The following ADGRB2 variants were observed in gnomAD, a reference collection of about 807,000 sequenced individuals.
ADGRB2 encodes adhesion G protein-coupled receptor B2.
In ADGRB2, 47 loss-of-function variants were observed where a neutral mutation model predicts 178.7. The ratio of observed to expected loss-of-function variants is 0.26; its 90% CI spans 0.21 to 0.34. ADGRB2 has a LOEUF of 0.34. ADGRB2 is among the 10% of genes least tolerant of loss of function. The pLI is 1.00. For missense variants in ADGRB2, 1,584 were observed against 2,180.8 expected (o/e 0.73, Z 5.45); for synonymous variants, 870 against 912.4 (o/e 0.95, Z 0.84).
intron 4 of ADGRB2, among the ~76,000 whole-genome samples, chr1:31,749,798 T>C (rs1375965393): frequency 1.3e-5 from 2 of 152,154 alleles, no homozygotes; most frequent in African/African-American, 4.8e-5. Context: ...GTGCCTGTAG[T>C]CCCAGCTACT....
Position 31,735,539 on chromosome 1 carries a change from C to G in ADGRB2, c.3353+41G>C, listed in dbSNP as rs1331329560. On this transcript the variant is annotated intron_variant, in intron 24 of 32. Coordinates refer to ENST00000373658, the MANE Select transcript of ADGRB2 (RefSeq NM_001364857.2). The surrounding 1 kb of genome is among the most constrained non-coding windows in gnomAD (Gnocchi z 6.0). ...GCACCCATGTCCCTCCCTCCCTGCA[C>G]CATTTCCAGAAAGGCCAAGTCTCAG... is the stretch of plus-strand genomic sequence containing the variant. The G allele has an allele frequency of 6.3e-7, 1 of 1,599,750 alleles. No homozygotes were observed. The highest frequency in any genetic ancestry group is 1.1e-5 in the South Asian group (1 of 90,574).
At chr1:31,747,425 A>C (rs1261646372) in intron 4 of ADGRB2, among the ~76,000 whole-genome samples, 1 of 152,078 alleles carries the variant, frequency 6.6e-6, no homozygotes, top group Admixed American at 6.6e-5. Flanking sequence ...CAGCATGTCC[A>C]AGAAGCCCAC....
rs374946660 is a variant in ADGRB2 at position 31,757,242 on chromosome 1, G to A, written c.-21C>T. 6.8e-5 allele frequency: 109 copies of A among 1,614,086 alleles called. No individual in the cohort carries two copies. Among genetic ancestry groups the A allele is most frequent in the Non-Finnish European group, 8.6e-5 (101 of 1,179,974 alleles). On this transcript the variant is annotated 5_prime_UTR_variant, in exon 3 of 33. It adds an upstream start codon to the 5' untranslated region. Coordinates refer to ENST00000373658, the MANE Select transcript of ADGRB2 (RefSeq NM_001364857.2). ...TCCATAACTCTTGCTCTCCATCCCCGTGTGTCGTGATCAGCTGTGAGGCAT... is the reference window on the plus strand; with the variant it reads ...TCCATAACTCTTGCTCTCCATCCCCATGTGTCGTGATCAGCTGTGAGGCAT...
In ADGRB2 at chr1:31,730,824, A is replaced by G; in HGVS notation, c.4356T>C (p.Ser1452=). 1 of 1,507,096 alleles carries G rather than the reference A, an allele frequency of 6.6e-7. No individual in the cohort carries two copies. Among genetic ancestry groups the G allele is most frequent in the Non-Finnish European group, 8.9e-7 (1 of 1,127,492 alleles). The allele number at this position is 1,507,096 out of a possible 1,614,324, so 93.4% of individuals were successfully genotyped here. ...CCTCCAGGGAGCCCATCTTCATGGT[A>G]GAGCCGGGCACGGTGCGAGGCATGG... ...SRTMPRTVPG[S]TMKMGSLERK... is the part of the protein sequence containing the mutation. Residue 1452 remains serine, a synonymous_variant, in exon 29 of 33, where the codon TCT becomes TCC. Transcript: ENST00000373658.
intron 1 of ADGRB2, among the ~76,000 whole-genome samples, chr1:31,760,195 G>T (rs1227980686): frequency 6.6e-6 from 1 of 152,156 alleles, no homozygotes; most frequent in African/African-American, 2.4e-5. Context: ...CTCTGAGGAA[G>T]AACTTCCTGG....
Position 31,759,659 on chromosome 1 carries a change from G to A in ADGRB2, c.-190-2148C>T, listed in dbSNP as rs533379886. On this transcript the variant is annotated intron_variant, in intron 1 of 32. Transcript: ENST00000373658. This position sits in a 1 kb window ranked among gnomAD's most constrained non-coding sequence, Gnocchi z 4.3. The stretch of plus-strand genomic sequence containing the variant: ...GCTATGACATAAGACCTTTTGGGGC[G>A]CCTTTTTATATTACTTCCCACCATT... 2.0e-5 allele frequency among the ~76,000 whole-genome samples: 3 copies of A among 152,246 alleles called. No individual in the cohort carries two copies. Among genetic ancestry groups the A allele is most frequent in the East Asian group, 3.9e-4 (2 of 5,184 alleles).
chr1:31,739,977 C>T lies in ADGRB2; in HGVS notation c.2116G>A (p.Gly706Ser). ...CTCTGGAAGGCCTTGAGAGCATCGC[C>T]CACCAGGTGAATGAAGTCCTCCACG... Reference protein sequence around the residue: ...RVVEDFIHLVGDALKAFQSSL... With the variant: ...RVVEDFIHLVSDALKAFQSSL... Residue 706 changes from glycine to serine, a missense_variant, in exon 14 of 33, where the codon GGC (glycine) becomes AGC (serine). This residue lies in a region of ADGRB2 where 62 missense variants were observed against 140.3 expected (regional missense o/e 0.44). Transcript: ENST00000373658. The T allele has an allele frequency of 6.2e-7, 1 of 1,614,156 alleles. No individual in the cohort carries two copies. Among genetic ancestry groups the T allele is most frequent in the Non-Finnish European group, 8.5e-7 (1 of 1,180,030 alleles).
rs144464497 is a variant in ADGRB2 at position 31,744,538 on chromosome 1, C to T, written c.922+110G>A. 8.9e-6 allele frequency: 13 copies of T among 1,457,412 alleles called. No individual in the cohort carries two copies. Among genetic ancestry groups the T allele is most frequent in the African/African-American group, 4.2e-5 (3 of 71,012 alleles). 90.3% of individuals were successfully genotyped at this position (1,457,412 alleles called of 1,614,324 possible). ...TCCCACAAGCTTCATGTGGCACAGA[C>T]GCGACTGAACTGCAGGACAGAGACA... On this transcript the variant is annotated intron_variant, in intron 5 of 32. Transcript: ENST00000373658. This position sits in a 1 kb window ranked among gnomAD's most constrained non-coding sequence, Gnocchi z 6.7.
At position 31,761,079 on chromosome 1, in the gene ADGRB2, TC is replaced by T. The variant is rs1647030013; in HGVS notation, c.-191+2804del. On this transcript the variant is annotated intron_variant, in intron 1 of 32. Coordinates refer to ENST00000373658, the MANE Select transcript of ADGRB2 (RefSeq NM_001364857.2). The surrounding 1 kb of genome is among the most constrained non-coding windows in gnomAD (Gnocchi z 4.2). Reference sequence around the variant, plus strand: ...GTGACTCAGCCGCCCTCCGCCCGCCTCCCCGGAACTTTGCAGCAGCTGGAGC... The same window carrying T: ...GTGACTCAGCCGCCCTCCGCCCGCCTCCCGGAACTTTGCAGCAGCTGGAGC... 1 of 152,204 alleles carries T rather than the reference TC, an allele frequency of 6.6e-6. No homozygotes were observed. Among genetic ancestry groups the T allele is most frequent in the African/African-American group, 2.4e-5 (1 of 41,436 alleles). The allele number at this position is 152,204 out of a possible 1,614,324, so 9.4% of individuals were successfully genotyped here. A position where few individuals can be genotyped will look rare whatever the true frequency, so the allele number is the denominator to read the frequency against.
At chr1:31,742,733 A>C (rs755793106) in intron 7 of ADGRB2, 105 bp downstream of exon 7, 15 of 1,287,672 alleles carry the variant, frequency 1.2e-5, no homozygotes, top group Non-Finnish European at 1.4e-5. Context: ...TCAAAGTTTA[A>C]GGGGCCCCCA....
chr1:31,731,353 A>G lies in ADGRB2; in HGVS notation c.3827T>C (p.Leu1276Pro), dbSNP rs750281119. ...GGACTTGGGCTCCTCATCCTCATCCAGGGACAGGCGGGATAGTGTGCCCGT... is the reference window on the plus strand; with the variant it reads ...GGACTTGGGCTCCTCATCCTCATCCGGGGACAGGCGGGATAGTGTGCCCGT... ...TITGTLSRLS[L>P]DEDEEPKSCL... The change falls in exon 29 of 33, where the codon CTG (leucine) becomes CCG (proline). Residue 1276 changes from leucine (L) to proline (P), a missense_variant. This residue lies in a region of ADGRB2 where 865 missense variants were observed against 1,192.8 expected (regional missense o/e 0.73). Coordinates refer to ENST00000373658, the MANE Select transcript of ADGRB2 (RefSeq NM_001364857.2). 4 of 1,612,744 alleles carry G rather than the reference A, an allele frequency of 2.5e-6. No individual in the cohort carries two copies. The African/African-American group carries it at 5.3e-5, about 22-fold the overall frequency.
At position 31,728,231 on chromosome 1, in the gene ADGRB2, T is replaced by A. The variant is rs769103942; in HGVS notation, c.4466A>T (p.Asn1489Ile). The change falls in exon 31 of 33, where the codon AAC becomes ATC. Residue 1489 changes from asparagine (N) to isoleucine (I), a missense_variant. Asn to Ile is a moderately radical substitution (Grantham distance 149). Transcript: ENST00000373658. This position sits in a 1 kb window ranked among gnomAD's most constrained non-coding sequence, Gnocchi z 6.7. ...GCGGTCGAAAGTGTGGAACTTCTGG[T>A]TGAGCTCGTGGTAGAGTTCTGAATG... ...KRHSELYHEL[N>I]QKFHTFDRYR... 1 of 1,614,172 alleles carries A rather than the reference T, an allele frequency of 6.2e-7. No homozygotes were observed. Among genetic ancestry groups the A allele is most frequent in the Non-Finnish European group, 8.5e-7 (1 of 1,180,010 alleles).
chr1:31,732,761 G>T, intron 26 of ADGRB2, 149 bp from the exon 27 acceptor site: 1 of 1,114,712 alleles, frequency 9.0e-7, no homozygotes, highest in Non-Finnish European at 1.3e-6. Flanking sequence ...TGGGCAGGGT[G>T]CAACGGGAGG....
In ADGRB2 at chr1:31,728,530, G is replaced by A. The variant is rs1645113423; in HGVS notation, c.4416+68C>T. 2 of 1,604,794 alleles carry A rather than the reference G, an allele frequency of 1.2e-6. No homozygotes were observed. Among genetic ancestry groups the A allele is most frequent in the African/African-American group, 1.3e-5 (1 of 74,786 alleles). Reference sequence around the variant, plus strand: ...GCAACAGAGCTTGGACTACTTTTAGGAGTGAGCCCTCCAGGGACAGACACC... The same window carrying A: ...GCAACAGAGCTTGGACTACTTTTAGAAGTGAGCCCTCCAGGGACAGACACC... On this transcript the variant is annotated intron_variant, in intron 30 of 32. Coordinates refer to ENST00000373658, the MANE Select transcript of ADGRB2 (RefSeq NM_001364857.2). The surrounding 1 kb of genome is among the most constrained non-coding windows in gnomAD (Gnocchi z 6.7).
chr1:31,744,393 C>T lies in ADGRB2; in HGVS notation c.923-36G>A. 1 of 1,545,574 alleles carries T rather than the reference C, an allele frequency of 6.5e-7. No individual in the cohort carries two copies. The highest frequency in any genetic ancestry group is 2.4e-5 in the East Asian group (1 of 40,886). On this transcript the variant is annotated intron_variant, in intron 5 of 32. Transcript: ENST00000373658. The surrounding 1 kb of genome is among the most constrained non-coding windows in gnomAD (Gnocchi z 6.7). The stretch of plus-strand genomic sequence containing the variant: ...GGGACAGCGTCGGCGGCAGGGGGCA[C>T]CTCCCAAGCACTCAGTCTCATAGGG...
At chr1:31,749,971 A>G (rs538538883) in intron 4 of ADGRB2, among the ~76,000 whole-genome samples, 2 of 152,262 alleles carry the variant, frequency 1.3e-5, no homozygotes, top group East Asian at 3.9e-4. Context: ...AGAAAGAGAA[A>G]AAGAACAAAA....
At chr1:31,752,528 G>C (rs1646628421) in intron 4 of ADGRB2, among the ~76,000 whole-genome samples, 1 of 152,236 alleles carries the variant, frequency 6.6e-6, no homozygotes, top group Admixed American at 6.5e-5. Flanking sequence ...GCCAATCTTA[G>C]GACAGGGCTG....
rs938866407 is a variant in ADGRB2, at chr1:31,735,430, C to T, written c.3354-149G>A. ...GTGGGTGAGGGGCTGCGGCTGAGCA[C>T]TCCGGGTGCCCACCTTGCCTGCAAC... On this transcript the variant is annotated intron_variant, in intron 24 of 32. Transcript: ENST00000373658. The surrounding 1 kb of genome is among the most constrained non-coding windows in gnomAD (Gnocchi z 6.0). The T allele has an allele frequency of 8.0e-7, 1 of 1,251,562 alleles. No homozygotes were observed. The highest frequency in any genetic ancestry group is 1.1e-6 in the Non-Finnish European group (1 of 879,662). 77.5% of individuals were successfully genotyped at this position (1,251,562 alleles called of 1,614,324 possible). A position where few individuals can be genotyped will look rare whatever the true frequency, so the allele number is the denominator to read the frequency against.
At chr1:31,747,296 G>T (rs1646326784) in intron 4 of ADGRB2, among the ~76,000 whole-genome samples, 1 of 152,000 alleles carries the variant, frequency 6.6e-6, no homozygotes, top group African/African-American at 2.4e-5. Context: ...TCCCCACCAG[G>T]CTTAATTAAC....
Sources: gnomAD v4.1 joint callset for allele counts (sites outside exome capture counted in the v4.1 genomes callset) on GRCh38, gnomAD v4.1.1 for gene constraint, gnomAD v4.1.1 regional missense constraint, Gnocchi (gnomAD v3.1) non-coding constraint, MANE v1.5 for transcripts, NCBI Gene and HGNC (gene_info 2026-07-23, HGNC 2026-07-21) for gene names.